The following MYO18B variants were observed in gnomAD, a reference collection of about 807,000 sequenced individuals.
The protein encoded by MYO18B is myosin XVIIIB.
Under a neutral mutation model 273.0 loss-of-function variants are expected in MYO18B, and 204 were observed. The ratio of observed to expected loss-of-function variants is 0.75; its 90% CI spans 0.67 to 0.84. The LOEUF (loss-of-function observed/expected upper bound fraction) is 0.84. Ranked by LOEUF, MYO18B falls within the 40% of genes least tolerant of loss-of-function variation. The probability of loss-of-function intolerance (pLI) is 0.00; values close to 1 mark genes in which losing one functional copy is unlikely to be tolerated. For synonymous variants in MYO18B, 1,330 were observed against 1,305.7 expected (o/e 1.02, Z -0.40); for missense variants, 3,212 against 3,287.6 (o/e 0.98, Z 0.56).
At chr22:25,816,266 T>G (rs1422850813) in intron 12 of MYO18B, among the ~76,000 whole-genome samples, 1 of 152,232 alleles carries the variant, frequency 6.6e-6, no homozygotes, top group Non-Finnish European at 1.5e-5. Flanking sequence ...AGGAAATCTC[T>G]GAGTGGGATC....
intron 31 of MYO18B, 47 bp downstream of exon 31, chr22:25,903,878 T>C: frequency 6.5e-7 from 1 of 1,541,374 alleles, no homozygotes; most frequent in Non-Finnish European, 8.8e-7. Flanking sequence ...ATGTCTCCAA[T>C]GCAGAGTGAT....
intron 21 of MYO18B, among the ~76,000 whole-genome samples, chr22:25,858,048 T>C (rs758223871): frequency 1.3e-5 from 2 of 152,386 alleles, no homozygotes; most frequent in Non-Finnish European, 2.9e-5. Context: ...GGTTTTTGGA[T>C]AGTTTCTGCC....
Position 25,890,889 on chromosome 22 carries a change from G to T in MYO18B, c.4434+14G>T, listed in dbSNP as rs567494325. The T allele has an allele frequency of 1.3e-6, 2 of 1,499,548 alleles. No individual in the cohort carries two copies. Among genetic ancestry groups the T allele is most frequent in the East Asian group, 2.2e-5 (1 of 44,822 alleles). 92.9% of individuals were successfully genotyped at this position (1,499,548 alleles called of 1,614,324 possible). On this transcript the variant is annotated intron_variant, in intron 26 of 43. Transcript: ENST00000335473. Reference sequence around the variant, plus strand: ...CAGGAGCTCAAGGTGAGTGGTCAGGGGTGGCCAGGGGTGGCTGAACACGGT... The same window carrying T: ...CAGGAGCTCAAGGTGAGTGGTCAGGTGTGGCCAGGGGTGGCTGAACACGGT...
intron 12 of MYO18B, among the ~76,000 whole-genome samples, chr22:25,802,547 G>A (rs1271837171): frequency 1.3e-5 from 2 of 151,822 alleles, no homozygotes; most frequent in Non-Finnish European, 2.9e-5. Flanking sequence ...TCAGGAGATC[G>A]AGACCATCCT....
In MYO18B at chr22:26,030,964, G is replaced by T. The variant is rs1936644421; in HGVS notation, c.*534G>T. 1.0e-5 allele frequency: 4 copies of T among 398,466 alleles called. No individual in the cohort carries two copies. The highest frequency in any genetic ancestry group is 7.1e-5 in the East Asian group (2 of 28,068). The allele number at this position is 398,466 out of a possible 1,614,324, so 24.7% of individuals were successfully genotyped here. On this transcript the variant is annotated 3_prime_UTR_variant, in exon 44 of 44. Transcript: ENST00000335473. ...TTCTCTATCCTGTGTATGTATAAGT[G>T]TGTACAAGCATTCAAGAAACTGATG...
intron 8 of MYO18B, 105 bp downstream of exon 8, chr22:25,777,886 G>A: frequency 8.6e-7 from 1 of 1,166,278 alleles, no homozygotes; most frequent in Non-Finnish European, 1.2e-6. Context: ...CATTCACTGA[G>A]CACCAGATAT....
At chr22:25,917,545 G>GGTGTGT (rs3070569) in intron 33 of MYO18B, among the ~76,000 whole-genome samples, 30,406 of 142,000 alleles carry the variant, frequency 0.21, 3,216 homozygotes, top group Middle Eastern at 0.25. Context: ...GCTTTGTAGG[G>GGTGTGT]GTGTGTGTGT....
At chr22:25,793,278 A>G (rs1325276661) in intron 11 of MYO18B, among the ~76,000 whole-genome samples, 1 of 152,224 alleles carries the variant, frequency 6.6e-6, no homozygotes, top group African/African-American at 2.4e-5. Context: ...TCTGTCATCC[A>G]GGATGGAGTG....
intron 22 of MYO18B, among the ~76,000 whole-genome samples, chr22:25,870,966 C>T (rs2091030813): frequency 6.6e-6 from 1 of 152,154 alleles, no homozygotes. Flanking sequence ...GTCTGTACAC[C>T]TAAACATTCA....
At chr22:25,947,527 C>T (rs908936290) in intron 35 of MYO18B, among the ~76,000 whole-genome samples, 185 bp from the exon 36 acceptor site, 3 of 145,698 alleles carry the variant, frequency 2.1e-5, no homozygotes, top group Admixed American at 2.0e-4. Context: ...CACACACACA[C>T]ACACACACAC....
chr22:25,875,662 C>T (rs2091172044), intron 23 of MYO18B, among the ~76,000 whole-genome samples: 2 of 152,214 alleles, frequency 1.3e-5, no homozygotes, highest in Non-Finnish European at 2.9e-5. Flanking sequence ...GGTGTCTAGC[C>T]ATCTGGGGTT....
chr22:25,861,681 G>T (rs771179054), intron 21 of MYO18B, among the ~76,000 whole-genome samples: 3 of 152,092 alleles, frequency 2.0e-5, no homozygotes, highest in Non-Finnish European at 4.4e-5. Context: ...GCTATTTTCT[G>T]TATGGGCTTC....
In MYO18B at chr22:25,823,490, T is replaced by A; in HGVS notation, c.2522-15T>A. ...AAGGCCTCACTGCCACGCCTCTGTT[T>A]TGTCCCCTTTGCAGTGGGTCGGAAG... On this transcript the variant is annotated splice_polypyrimidine_tract_variant and intron_variant, in intron 12 of 43. Coordinates refer to ENST00000335473, the MANE Select transcript of MYO18B (RefSeq NM_032608.7). 6.2e-7 allele frequency: 1 copy of A among 1,613,182 alleles called. No homozygotes were observed. Among genetic ancestry groups the A allele is most frequent in the South Asian group, 1.1e-5 (1 of 90,996 alleles).
chr22:25,910,928 T>C lies in MYO18B; in HGVS notation c.5260-18T>C. On this transcript the variant is annotated intron_variant, in intron 32 of 43. Coordinates refer to ENST00000335473, the MANE Select transcript of MYO18B (RefSeq NM_032608.7). ...GAGTTCATTTACCCTGTGATGTTTCTTCCCTGTGTATCCACAGCTTCATCA... is the reference window on the plus strand; with the variant it reads ...GAGTTCATTTACCCTGTGATGTTTCCTCCCTGTGTATCCACAGCTTCATCA... 1 of 1,562,144 alleles carries C rather than the reference T, an allele frequency of 6.4e-7. No individual in the cohort carries two copies.
chr22:25,846,205 C>G lies in MYO18B; in HGVS notation c.3474C>G (p.Arg1158=), dbSNP rs1159511829. Residue 1158 remains arginine, a synonymous_variant, in exon 19 of 44, where the codon CGC becomes CGG. Transcript: ENST00000335473. ...GTSQQALQRS[R]MVRRTFASSL... ...CCCAGCAGGCCCTGCAGAGGAGCCGCATGGTGAGGAGGACCTTTGCCAGCA... is the reference window on the plus strand; with the variant it reads ...CCCAGCAGGCCCTGCAGAGGAGCCGGATGGTGAGGAGGACCTTTGCCAGCA... 1.9e-6 allele frequency: 3 copies of G among 1,612,562 alleles called. No individual in the cohort carries two copies. Among genetic ancestry groups the G allele is most frequent in the Non-Finnish European group, 2.5e-6 (3 of 1,179,808 alleles).
intron 33 of MYO18B, among the ~76,000 whole-genome samples, chr22:25,914,374 C>T (rs1000187690): frequency 2.6e-5 from 4 of 152,002 alleles, no homozygotes; most frequent in Non-Finnish European, 5.9e-5. Flanking sequence ...ATTGCATATG[C>T]CCTCTCCATT....
chr22:25,837,409 C>T (rs149637711), intron 17 of MYO18B, among the ~76,000 whole-genome samples: 2 of 152,266 alleles, frequency 1.3e-5, no homozygotes, highest in African/African-American at 4.8e-5. Flanking sequence ...GAGGGATTGA[C>T]CTTATCAAAT....
At chr22:25,882,467 T>G (rs954934318) in intron 25 of MYO18B, among the ~76,000 whole-genome samples, 2 of 152,166 alleles carry the variant, frequency 1.3e-5, no homozygotes, top group African/African-American at 4.8e-5. Context: ...ACTAAGGCAT[T>G]TAGCAAAGTA....
the MYO18B span, among the ~76,000 whole-genome samples, chr22:26,060,083 G>A: frequency 1.3e-5 from 2 of 152,218 alleles, no homozygotes; most frequent in African/African-American, 4.8e-5. Flanking sequence ...GTTGAAAGAA[G>A]TAAAGCATTC....
Sources: gnomAD v4.1 joint callset for allele counts (sites outside exome capture counted in the v4.1 genomes callset) on GRCh38, gnomAD v4.1.1 for gene constraint, MANE v1.5 for transcripts, NCBI Gene and HGNC (gene_info 2026-07-23, HGNC 2026-07-21) for gene names.